PPP6R3: variants seen among roughly 807,000 people sequenced by gnomAD.
The protein encoded by PPP6R3 is serine/threonine-protein phosphatase 6 regulatory subunit 3.
PPP6R3 carries 38 observed loss-of-function variants against 110.7 expected under a neutral mutation model. The observed-to-expected ratio is 0.34, with a 90% confidence interval of 0.26 to 0.45. PPP6R3 has a LOEUF of 0.45. PPP6R3 is among the 20% of genes least tolerant of loss of function. The pLI is 1.00. For missense variants in PPP6R3, 870 were observed against 1,062.4 expected (o/e 0.82, Z 2.52); for synonymous variants, 369 against 373.5 (o/e 0.99, Z 0.14).
intron 1 of PPP6R3, among the ~76,000 whole-genome samples, chr11:68,499,749 A>G (rs1394402604): frequency 6.6e-6 from 1 of 151,750 alleles, no homozygotes; most frequent in Non-Finnish European, 1.5e-5. Flanking sequence ...TCAGTTTTGT[A>G]TATTTTGTAG....
intron 1 of PPP6R3, among the ~76,000 whole-genome samples, chr11:68,478,346 T>G (rs2098852141): frequency 6.6e-6 from 1 of 152,214 alleles, no homozygotes; most frequent in Admixed American, 6.5e-5. Flanking sequence ...CCAAGCAAGT[T>G]AAGAATTTTA....
chr11:68,508,910 A>T (rs1389724479), intron 1 of PPP6R3, among the ~76,000 whole-genome samples: 1 of 152,222 alleles, frequency 6.6e-6, no homozygotes, highest in African/African-American at 2.4e-5. Context: ...GGCTGCAAAT[A>T]AAAGTATACT....
chr11:68,489,552 T>TGTGTGTGTGTGTGTGTGTG (rs1491233294), intron 1 of PPP6R3, among the ~76,000 whole-genome samples: 18 of 144,950 alleles, frequency 1.2e-4, no homozygotes, highest in Admixed American at 3.4e-4. Context: ...TACTGTGTGT[T>TGTGTGTGTGTGTGTGTGTG]TGTGTGTGTG....
intron 17 of PPP6R3, among the ~76,000 whole-genome samples, chr11:68,591,334 A>C (rs971073476): frequency 1.3e-5 from 2 of 152,196 alleles, no homozygotes; most frequent in African/African-American, 2.4e-5. Context: ...TGATGAGATG[A>C]AAGAGGATAT....
chr11:68,478,946 A>G lies in PPP6R3; in HGVS notation c.-158+18119A>G, dbSNP rs376207993. The stretch of plus-strand genomic sequence containing the variant: ...GCTGGGATTACAGGCATGAGCCACC[A>G]TGCCCGGCCAGTCTGAACGTAATTT... On this transcript the variant is annotated intron_variant, in intron 1 of 23. Transcript: ENST00000393800. Among the ~76,000 whole-genome samples, 5 of 152,154 alleles carry G rather than the reference A, an allele frequency of 3.3e-5. No homozygotes were observed. The East Asian group carries it at 5.8e-4, about 18-fold the overall frequency.
intron 2 of PPP6R3, among the ~76,000 whole-genome samples, chr11:68,535,762 G>T (rs2099266839): frequency 7.3e-6 from 1 of 137,620 alleles, no homozygotes; most frequent in African/African-American, 2.8e-5. Context: ...TAGGAGTTTA[G>T]ACCAGCTTGG....
chr11:68,542,939 T>C (rs530725506), intron 3 of PPP6R3, among the ~76,000 whole-genome samples: 2 of 152,224 alleles, frequency 1.3e-5, no homozygotes, highest in Non-Finnish European at 2.9e-5. Context: ...TGCCTTTTAC[T>C]GATCTTCTGT....
chr11:68,545,041 A>C lies in PPP6R3; in HGVS notation c.414+17A>C. On this transcript the variant is annotated intron_variant, in intron 4 of 23. Transcript: ENST00000393800. ...CCAGAACAGGTAAATATGATTTTCCAAAAGGTAAGTATTAGGGCTGATCAT... is the reference window on the plus strand; with the variant it reads ...CCAGAACAGGTAAATATGATTTTCCCAAAGGTAAGTATTAGGGCTGATCAT... 6.4e-7 allele frequency: 1 copy of C among 1,564,192 alleles called. No individual in the cohort carries two copies. The highest frequency in any genetic ancestry group is 8.8e-7 in the Non-Finnish European group (1 of 1,136,266).
chr11:68,510,300 T>C (rs2099102353), intron 1 of PPP6R3, among the ~76,000 whole-genome samples: 1 of 152,170 alleles, frequency 6.6e-6, no homozygotes, highest in South Asian at 2.1e-4. Context: ...TACAGCTCTC[T>C]GGTCTCTCAA....
At chr11:68,512,780 C>A (rs911260488) in intron 1 of PPP6R3, among the ~76,000 whole-genome samples, 1 of 152,158 alleles carries the variant, frequency 6.6e-6, no homozygotes, top group African/African-American at 2.4e-5. Context: ...AGCATCTAAA[C>A]GCACTTGCTT....
At chr11:68,517,233 G>C (rs1372024180) in intron 1 of PPP6R3, among the ~76,000 whole-genome samples, 2 of 150,446 alleles carry the variant, frequency 1.3e-5, no homozygotes, top group Non-Finnish European at 3.0e-5. Flanking sequence ...GCATTTTTCT[G>C]TTTGTTTTGC....
At chr11:68,558,471 C>T in intron 7 of PPP6R3, 95 bp from the exon 8 acceptor site, 1 of 744,234 alleles carries the variant, frequency 1.3e-6, no homozygotes. Context: ...AGTATGAACT[C>T]TTCAGTGATG....
rs1944484090 is a variant in PPP6R3 at position 68,613,415 on chromosome 11, A to G, written c.*298A>G. The G allele has an allele frequency of 3.7e-6, 4 of 1,087,324 alleles. No homozygotes were observed. The highest frequency in any genetic ancestry group is 1.2e-4 in the East Asian group (2 of 16,518). The allele number at this position is 1,087,324 out of a possible 1,614,324, so 67.4% of individuals were successfully genotyped here. A position where few individuals can be genotyped will look rare whatever the true frequency, so the allele number is the denominator to read the frequency against. Reference sequence around the variant, plus strand: ...CCCATGTAATAATAGTAGTAATACTATAGTTAAAATGGCTGTAAGAATAGT... The same window carrying G: ...CCCATGTAATAATAGTAGTAATACTGTAGTTAAAATGGCTGTAAGAATAGT... On this transcript the variant is annotated 3_prime_UTR_variant, in exon 24 of 24. Transcript: ENST00000393800.
rs1010651016 is a variant in PPP6R3, at chr11:68,613,466, A to G, written c.*349A>G. On this transcript the variant is annotated 3_prime_UTR_variant, in exon 24 of 24. Coordinates refer to ENST00000393800, the MANE Select transcript of PPP6R3 (RefSeq NM_001164161.2). ...TTTATAAAAGTGAATACACAGATCT[A>G]TTGTATTTGAAACATAACTTTGACA... 7.9e-6 allele frequency: 8 copies of G among 1,006,360 alleles called. No individual in the cohort carries two copies. The highest frequency in any genetic ancestry group is 1.7e-5 in the African/African-American group (1 of 58,058). The allele number at this position is 1,006,360 out of a possible 1,614,324, so 62.3% of individuals were successfully genotyped here. A position where few individuals can be genotyped will look rare whatever the true frequency, so the allele number is the denominator to read the frequency against.
chr11:68,555,912 C>T (rs1180032176), intron 7 of PPP6R3, among the ~76,000 whole-genome samples: 1 of 152,184 alleles, frequency 6.6e-6, no homozygotes, highest in Non-Finnish European at 1.5e-5. Context: ...GAACCAACCA[C>T]TTCTAATATT....
intron 1 of PPP6R3, among the ~76,000 whole-genome samples, chr11:68,506,534 TAAATC>T (rs1298096577): frequency 6.6e-6 from 1 of 150,626 alleles, no homozygotes; most frequent in Non-Finnish European, 1.5e-5. Context: ...GCAGAATAAT[TAAATC>T]AAGTTAATTA....
At chr11:68,582,977 A>T in intron 14 of PPP6R3, 66 bp from the exon 15 acceptor site, 1 of 1,114,076 alleles carries the variant, frequency 9.0e-7, no homozygotes, top group Non-Finnish European at 1.3e-6. Context: ...TTTTCCATAA[A>T]AATGCTGATA....
intron 2 of PPP6R3, among the ~76,000 whole-genome samples, chr11:68,534,084 G>A (rs1423317596): frequency 6.6e-6 from 1 of 152,122 alleles, no homozygotes; most frequent in African/African-American, 2.4e-5. Context: ...ATGGTTCCTG[G>A]CACAATGGAG....
chr11:68,489,984 T>C (rs1336508920), intron 1 of PPP6R3, among the ~76,000 whole-genome samples: 1 of 152,218 alleles, frequency 6.6e-6, no homozygotes, highest in Non-Finnish European at 1.5e-5. Context: ...TACATTGTTA[T>C]TGTTATTATT....
Sources: allele counts gnomAD v4.1 joint callset (sites outside exome capture counted in the v4.1 genomes callset), GRCh38; gene constraint gnomAD v4.1.1; transcripts MANE v1.5; gene names NCBI Gene and HGNC (gene_info 2026-07-23, HGNC 2026-07-21).